Variants in DDAH1 observed in about 807,000 individuals in gnomAD.
DDAH1 encodes the protein N(G),N(G)-dimethylarginine dimethylaminohydrolase 1.
A neutral mutation model predicts 28.8 loss-of-function variants in DDAH1; 19 were observed. The ratio of observed to expected loss-of-function variants is 0.66; its 90% CI spans 0.46 to 0.97. The LOEUF (loss-of-function observed/expected upper bound fraction) is 0.97. Among genes scored for constraint, DDAH1 ranks in the 50% least tolerant of loss-of-function variants. DDAH1 has a pLI of 0.00. For synonymous variants in DDAH1, 153 were observed against 154.4 expected (o/e 0.99, Z 0.07); for missense variants, 326 against 375.9 (o/e 0.87, Z 1.10).
intron 1 of DDAH1, among the ~76,000 whole-genome samples, chr1:85,453,520 A>G (rs1194322551): frequency 6.6e-6 from 1 of 152,200 alleles, no homozygotes; most frequent in East Asian, 1.9e-4. Flanking sequence ...AGAAGAGCAT[A>G]TATAAGGGAA....
At chr1:85,404,761 T>G (rs1161028067) in intron 1 of DDAH1, among the ~76,000 whole-genome samples, 2 of 152,086 alleles carry the variant, frequency 1.3e-5, no homozygotes, top group South Asian at 4.1e-4. Flanking sequence ...CTCTCTCAAG[T>G]TGAGTTATAT....
chr1:85,482,329 C>G (rs187237213), intron 2 of DDAH1: 8 of 152,228 alleles, frequency 5.3e-5, no homozygotes, highest in African/African-American at 1.2e-4. Flanking sequence ...ATGTAAAAAA[C>G]AAGTAGATGC....
intron 1 of DDAH1, among the ~76,000 whole-genome samples, chr1:85,444,960 T>C (rs1654366770): frequency 6.6e-6 from 1 of 152,166 alleles, no homozygotes; most frequent in African/African-American, 2.4e-5. Flanking sequence ...GGAGATCCTG[T>C]CCAAGTTCCA....
chr1:85,369,855 A>G (rs1650281924), intron 1 of DDAH1, among the ~76,000 whole-genome samples: 1 of 152,172 alleles, frequency 6.6e-6, no homozygotes, highest in Admixed American at 6.5e-5. Context: ...CCTTTCTGAA[A>G]GTGTGACATT....
chr1:85,476,031 T>G (rs953569629), intron 2 of DDAH1, among the ~76,000 whole-genome samples: 2 of 152,138 alleles, frequency 1.3e-5, no homozygotes, highest in Non-Finnish European at 2.9e-5. Flanking sequence ...TTTGGTTTTG[T>G]TTTTGTGTTT....
chr1:85,410,455 C>T (rs542702381), intron 1 of DDAH1, among the ~76,000 whole-genome samples: 34 of 152,094 alleles, frequency 2.2e-4, no homozygotes, highest in African/African-American at 8.2e-4. Flanking sequence ...GCCTGACCAA[C>T]ATGAAGAAAC....
At chr1:85,367,727 A>G (rs965180513) in intron 1 of DDAH1, among the ~76,000 whole-genome samples, 1 of 152,134 alleles carries the variant, frequency 6.6e-6, no homozygotes, top group Admixed American at 6.5e-5. Flanking sequence ...AGAAAGAAAC[A>G]TAATTCCTCT....
chr1:85,363,934 C>T (rs1211927128), intron 1 of DDAH1, among the ~76,000 whole-genome samples: 13 of 134,382 alleles, frequency 9.7e-5, no homozygotes, highest in Non-Finnish European at 1.4e-4. Context: ...TCAAATCAGG[C>T]TACAATTCTT....
At chr1:85,532,409 TGTGA>T (rs1167738731) in intron 1 of DDAH1, among the ~76,000 whole-genome samples, 1 of 152,120 alleles carries the variant, frequency 6.6e-6, no homozygotes, top group East Asian at 1.9e-4. Context: ...TGAATTACAA[TGTGA>T]GTATCAAATT....
intron 1 of DDAH1, among the ~76,000 whole-genome samples, chr1:85,434,032 C>T (rs1348118044): frequency 1.3e-5 from 2 of 151,926 alleles, no homozygotes; most frequent in Non-Finnish European, 2.9e-5. Context: ...TTTAAGATAC[C>T]ATATCAGGAT....
At chr1:85,553,057 C>T (rs1658846650) in intron 1 of DDAH1, among the ~76,000 whole-genome samples, 1 of 152,154 alleles carries the variant, frequency 6.6e-6, no homozygotes, top group African/African-American at 2.4e-5. Flanking sequence ...TATCCAACCA[C>T]CCTGAGACTA....
At chr1:85,366,550 G>C (rs747847189) in intron 1 of DDAH1, among the ~76,000 whole-genome samples, 16 of 152,226 alleles carry the variant, frequency 1.1e-4, no homozygotes, top group Admixed American at 3.3e-4. Context: ...ACTTCTAAAA[G>C]TTGCAGTCTC....
intron 1 of DDAH1, among the ~76,000 whole-genome samples, chr1:85,538,205 G>T (rs1276448061): frequency 1.3e-5 from 2 of 152,196 alleles, no homozygotes; most frequent in Admixed American, 6.5e-5. Flanking sequence ...AGTTATGCAG[G>T]AACTTTCTCA....
At chr1:85,446,390 G>A (rs1210483548) in intron 1 of DDAH1, among the ~76,000 whole-genome samples, 2 of 152,100 alleles carry the variant, frequency 1.3e-5, no homozygotes, top group Non-Finnish European at 2.9e-5. Context: ...AACCACCCCC[G>A]TGATTCAATT....
At chr1:85,439,492 CAG>C (rs1333732737) in intron 1 of DDAH1, among the ~76,000 whole-genome samples, 2 of 152,246 alleles carry the variant, frequency 1.3e-5, no homozygotes, top group African/African-American at 4.8e-5. Context: ...CTGGCTGCTA[CAG>C]AGATTCCTGC....
At chr1:85,505,072 G>A (rs1031785393) in intron 1 of DDAH1, among the ~76,000 whole-genome samples, 6 of 129,702 alleles carry the variant, frequency 4.6e-5, no homozygotes, top group African/African-American at 8.7e-5. Flanking sequence ...TGCAACCTCC[G>A]TTTCCTGGAT....
At chr1:85,497,819 A>T (rs1656652882) in intron 1 of DDAH1, among the ~76,000 whole-genome samples, 1 of 152,216 alleles carries the variant, frequency 6.6e-6, no homozygotes, top group African/African-American at 2.4e-5. Flanking sequence ...TTAAATCATC[A>T]ATGACACATT....
At chr1:85,545,884 T>G (rs887203982) in intron 1 of DDAH1, among the ~76,000 whole-genome samples, 2 of 152,056 alleles carry the variant, frequency 1.3e-5, no homozygotes, top group African/African-American at 4.8e-5. Context: ...GTGTAGGTTT[T>G]GGTGCCAAAC....
At chr1:85,336,897 A>G (rs1402200251) in intron 4 of DDAH1, among the ~76,000 whole-genome samples, 1 of 152,202 alleles carries the variant, frequency 6.6e-6, no homozygotes, top group Non-Finnish European at 1.5e-5. Context: ...CACAACAAAA[A>G]AAACTACAGG....
Sources: allele counts gnomAD v4.1 joint callset (sites outside exome capture counted in the v4.1 genomes callset), GRCh38; gene constraint gnomAD v4.1.1; transcripts MANE v1.5; gene names NCBI Gene and HGNC (gene_info 2026-07-23, HGNC 2026-07-21).